Variants in COL12A1 observed in about 807,000 individuals in gnomAD.
COL12A1 encodes collagen alpha-1(XII) chain.
COL12A1 carries 114 observed loss-of-function variants against 349.7 expected under a neutral mutation model. The ratio of observed to expected loss-of-function variants is 0.33; its 90% CI spans 0.28 to 0.38. The LOEUF (loss-of-function observed/expected upper bound fraction) is 0.38. COL12A1 is among the 10% of genes least tolerant of loss of function. The pLI is 1.00. For missense variants in COL12A1, 3,284 were observed against 3,756.9 expected, an observed-to-expected ratio of 0.87 and a Z score of 3.29; for synonymous variants, 1,369 against 1,329.0, an observed-to-expected ratio of 1.03 and a Z score of -0.66.
At position 75,137,589 on chromosome 6, in the gene COL12A1, G is replaced by T. The variant is rs1766687515; in HGVS notation, c.5252-10C>A. On this transcript the variant is annotated splice_polypyrimidine_tract_variant and intron_variant, in intron 30 of 65. Coordinates refer to ENST00000322507, the MANE Select transcript of COL12A1 (RefSeq NM_004370.6). ...GGGCCACTTTTGGGAGCTGAAAGAA[G>T]ATTGTTGAAAAACTGAGTAAGCAGA... The T allele has an allele frequency of 6.2e-7, 1 of 1,613,292 alleles. No homozygotes were observed. Among genetic ancestry groups the T allele is most frequent in the African/African-American group, 1.3e-5 (1 of 74,894 alleles).
At chr6:75,147,002 A>G (rs1767226985) in intron 23 of COL12A1, among the ~76,000 whole-genome samples, 1 of 152,220 alleles carries the variant, frequency 6.6e-6, no homozygotes, top group Non-Finnish European at 1.5e-5. Flanking sequence ...CTAGAGCCCA[A>G]CCAAGAAGCA....
chr6:75,195,962 G>C (rs1397309174), intron 2 of COL12A1, among the ~76,000 whole-genome samples: 1 of 152,142 alleles, frequency 6.6e-6, no homozygotes, highest in Non-Finnish European at 1.5e-5. Flanking sequence ...GAAAAGTACA[G>C]AAATAGTTTA....
In COL12A1 at chr6:75,183,982, G is replaced by A. The variant is rs1582198424; in HGVS notation, c.1160C>T (p.Thr387Ile). Residue 387 changes from threonine (T) to isoleucine (I), a missense_variant, in exon 9 of 66, where the codon ACC (threonine) becomes ATC (isoleucine). By Grantham distance (89) the Thr-to-Ile change is moderately conservative. Transcript: ENST00000322507. The stretch of plus-strand genomic sequence containing the variant: ...TGAGAGGTCGCGAACACTGAGCGTG[G>A]TTGTCTGAGGCCCCACACTCAGAGC... Reference protein sequence around the residue: ...QHALSVGPQTTTLSVRDLSAD... With the variant: ...QHALSVGPQTITLSVRDLSAD... The A allele has an allele frequency of 6.2e-7, 1 of 1,614,162 alleles. No homozygotes were observed. Among genetic ancestry groups the A allele is most frequent in the Non-Finnish European group, 8.5e-7 (1 of 1,180,038 alleles).
chr6:75,151,739 T>C, intron 20 of COL12A1, 128 bp downstream of exon 20: 2 of 1,066,786 alleles, frequency 1.9e-6, no homozygotes, highest in Non-Finnish European at 2.7e-6. Flanking sequence ...GGAACATTAT[T>C]TTGATAAATT....
chr6:75,135,097 T>C (rs539251028), intron 31 of COL12A1, among the ~76,000 whole-genome samples: 1 of 150,886 alleles, frequency 6.6e-6, no homozygotes, highest in African/African-American at 2.4e-5. Context: ...TTCAACTTGC[T>C]AGCCGCCAGC....
At chr6:75,188,784 A>AT (rs1769768848) in intron 7 of COL12A1, among the ~76,000 whole-genome samples, 1 of 152,200 alleles carries the variant, frequency 6.6e-6, no homozygotes, top group Non-Finnish European at 1.5e-5. Flanking sequence ...GTGGGCTTTC[A>AT]TCCCAACCAT....
chr6:75,160,017 A>G (rs2149430276), intron 14 of COL12A1, among the ~76,000 whole-genome samples: 3 of 152,238 alleles, frequency 2.0e-5, no homozygotes, highest in Admixed American at 2.0e-4. Context: ...ACAGTATAGC[A>G]TATCTCATCC....
Position 75,087,569 on chromosome 6 carries a change from C to G in COL12A1, c.9181+8G>C, listed in dbSNP as rs771434132. ...TGAGTTGGGGTTCCTACAATGGCAA[C>G]AACGTACCTGGATAGCCTTGCCCGT... On this transcript the variant is annotated splice_region_variant and intron_variant, in intron 65 of 65. Coordinates refer to ENST00000322507, the MANE Select transcript of COL12A1 (RefSeq NM_004370.6). The G allele has an allele frequency of 6.2e-7, 1 of 1,613,488 alleles. No individual in the cohort carries two copies. The highest frequency in any genetic ancestry group is 8.5e-7 in the Non-Finnish European group (1 of 1,179,756).
chr6:75,111,889 C>A (rs1488487604), intron 51 of COL12A1, among the ~76,000 whole-genome samples: 1 of 151,442 alleles, frequency 6.6e-6, no homozygotes, highest in Non-Finnish European at 1.5e-5. Flanking sequence ...CCTTTACCAT[C>A]CTTATCAAAA....
Position 75,143,312 on chromosome 6 carries a change from C to A in COL12A1, c.4767G>T (p.Val1589=). Residue 1589 remains valine, a synonymous_variant, in exon 26 of 66, where the codon GTG becomes GTT. Coordinates refer to ENST00000322507, the MANE Select transcript of COL12A1 (RefSeq NM_004370.6). ...HSTMNVFWEP[V]PGKVRKYIVR... ...CAATATATTTACGCACTTTTCCAGG[C>A]ACAGGTTCCCAAAAGACATTCATAG... 6.2e-7 allele frequency: 1 copy of A among 1,613,920 alleles called. No individual in the cohort carries two copies.
chr6:75,139,937 C>T (rs2149397995), intron 27 of COL12A1, among the ~76,000 whole-genome samples: 1 of 152,188 alleles, frequency 6.6e-6, no homozygotes, highest in East Asian at 1.9e-4. Context: ...ATTACACAAA[C>T]CCCAGAGCCA....
At chr6:75,095,066 C>T (rs367988779) in intron 60 of COL12A1, 42 bp downstream of exon 60, 250 of 1,562,524 alleles carry the variant, frequency 1.6e-4, no homozygotes, top group Non-Finnish European at 2.0e-4. Flanking sequence ...TTTATTTCCA[C>T]GGTGAAACCA....
At position 75,183,978 on chromosome 6, in the gene COL12A1, C is replaced by A; in HGVS notation, c.1164G>T (p.Thr388=). The A allele has an allele frequency of 1.2e-6, 2 of 1,614,164 alleles. No individual in the cohort carries two copies. Among genetic ancestry groups the A allele is most frequent in the South Asian group, 1.1e-5 (1 of 91,088 alleles). The part of the protein sequence containing the change: ...HALSVGPQTT[T]LSVRDLSADT... ...CTGCTGAGAGGTCGCGAACACTGAG[C>A]GTGGTTGTCTGAGGCCCCACACTCA... Residue 388 remains threonine, a synonymous_variant, in exon 9 of 66, where the codon ACG becomes ACT. Transcript: ENST00000322507.
chr6:75,092,271 C>T (rs1008504801), intron 60 of COL12A1, among the ~76,000 whole-genome samples: 5 of 151,994 alleles, frequency 3.3e-5, no homozygotes, highest in African/African-American at 1.2e-4. Context: ...GTGCAGCAAA[C>T]CACCATAGCA....
chr6:75,131,444 T>G (rs1164431385), intron 35 of COL12A1, among the ~76,000 whole-genome samples: 2 of 152,242 alleles, frequency 1.3e-5, no homozygotes, highest in Non-Finnish European at 2.9e-5. Flanking sequence ...GCATATATTG[T>G]TAATCATTTG....
At chr6:75,198,385 A>G (rs1393569635) in intron 2 of COL12A1, among the ~76,000 whole-genome samples, 2 of 151,546 alleles carry the variant, frequency 1.3e-5, no homozygotes, top group East Asian at 3.9e-4. Context: ...ATTTGTAAAT[A>G]TAAGCAATAT....
chr6:75,102,607 G>A lies in COL12A1; in HGVS notation c.8405C>T (p.Pro2802Leu), dbSNP rs200646131. ...AGGCTTTGTGCTTACTTGCTCTCCC[G>A]GAATAGAGAGTCCATTGGGTCCCTG... is the stretch of plus-strand genomic sequence containing the variant. ...GPQGPNGLSI[P>L]GEQGRQGMKG... is the part of the protein sequence containing the mutation. Residue 2802 changes from proline (P) to leucine (L), a missense_variant, in exon 56 of 66, where the codon CCG becomes CTG. Pro to Leu is a moderately conservative substitution (Grantham distance 98, BLOSUM62 -3). This residue lies in a region of COL12A1 where 683 missense variants were observed against 932.1 expected (regional missense o/e 0.73). Coordinates refer to ENST00000322507, the MANE Select transcript of COL12A1 (RefSeq NM_004370.6). 321 of 1,548,162 alleles carry A rather than the reference G, an allele frequency of 2.1e-4. No homozygotes were observed. The African/African-American group carries it at 3.6e-3, about 17-fold the overall frequency.
At chr6:75,155,881 T>C in intron 15 of COL12A1, 27 bp from the exon 16 acceptor site, 5 of 1,570,638 alleles carry the variant, frequency 3.2e-6, no homozygotes, top group Non-Finnish European at 3.4e-6. Context: ...ATTTTTAAAA[T>C]ATTATCTGTA....
chr6:75,145,724 C>T lies in COL12A1; in HGVS notation c.4561-269G>A, dbSNP rs113447407. 3.5e-3 allele frequency among the ~76,000 whole-genome samples: 533 copies of T among 151,792 alleles called. 1 individual carries two copies. The highest frequency in any genetic ancestry group is 0.011 in the African/African-American group (468 of 41,366). ...TCAACTCACCGCAACTTCCACCTCC[C>T]GGGTTCAAGCAATTCTCCTGTCTCA... On this transcript the variant is annotated intron_variant, in intron 24 of 65. Transcript: ENST00000322507.
Sources: allele counts gnomAD v4.1 joint callset (sites outside exome capture counted in the v4.1 genomes callset), GRCh38; gene constraint gnomAD v4.1.1; regional missense constraint gnomAD v4.1.1; transcripts MANE v1.5; gene names NCBI Gene and HGNC (gene_info 2026-07-23, HGNC 2026-07-21).